The following SLC14A2 variants were observed in gnomAD, a reference collection of about 807,000 sequenced individuals.
The protein encoded by SLC14A2 is urea transporter 2.
A neutral mutation model predicts 104.6 loss-of-function variants in SLC14A2; 91 were observed. The observed-to-expected ratio is 0.87, with a 90% CI of 0.73 to 1.04. SLC14A2 has a LOEUF of 1.04. Ranked by LOEUF, SLC14A2 falls within the 50% of genes least tolerant of loss-of-function variation. The probability of loss-of-function intolerance (pLI) is 0.00; values close to 1 mark genes in which losing one functional copy is unlikely to be tolerated. For synonymous variants in SLC14A2, 476 were observed against 466.4 expected (o/e 1.02, Z -0.27); for missense variants, 1,189 against 1,156.0 (o/e 1.03, Z -0.41).
At chr18:45,425,760 T>C (rs1384576542) in intron 1 of SLC14A2, among the ~76,000 whole-genome samples, 2 of 152,238 alleles carry the variant, frequency 1.3e-5, no homozygotes, top group Non-Finnish European at 2.9e-5. Flanking sequence ...CAGCACTTTC[T>C]AGTTTACACA....
chr18:45,534,300 A>G (rs1016158562), intron 2 of SLC14A2, among the ~76,000 whole-genome samples: 6 of 152,172 alleles, frequency 3.9e-5, no homozygotes, highest in Admixed American at 6.6e-5. Flanking sequence ...CAAGTCTTAG[A>G]AACAGGGAGC....
chr18:45,667,614 G>A (rs1675520115), intron 13 of SLC14A2, among the ~76,000 whole-genome samples: 1 of 152,162 alleles, frequency 6.6e-6, no homozygotes, highest in Admixed American at 6.5e-5. Context: ...AAAACAACCT[G>A]GAGGTCACAT....
At chr18:45,618,485 A>G (rs1293113586) in intron 1 of SLC14A2, among the ~76,000 whole-genome samples, 2 of 151,890 alleles carry the variant, frequency 1.3e-5, no homozygotes, top group African/African-American at 2.4e-5. Context: ...CCTGGCCAAC[A>G]TGGTGAAACC....
At chr18:45,548,484 A>G (rs68096963) in intron 2 of SLC14A2, among the ~76,000 whole-genome samples, 64,354 of 152,086 alleles carry the variant, frequency 0.42, 15,146 homozygotes, top group African/African-American at 0.64. Context: ...CAGGTGGATT[A>G]CTTGAGTGCA....
At chr18:45,572,517 C>T (rs780501591) in intron 2 of SLC14A2, among the ~76,000 whole-genome samples, 12 of 152,206 alleles carry the variant, frequency 7.9e-5, no homozygotes, top group Non-Finnish European at 1.8e-4. Context: ...TCACTTTACA[C>T]CCCCATTTTA....
intron 5 of SLC14A2, among the ~76,000 whole-genome samples, chr18:45,634,184 G>T (rs745739395): frequency 3.8e-4 from 58 of 152,126 alleles, no homozygotes; most frequent in Non-Finnish European, 4.6e-4. Flanking sequence ...TGAAATTCAA[G>T]TCATAGGGTA....
intron 10 of SLC14A2, among the ~76,000 whole-genome samples, chr18:45,658,494 T>C (rs1176094594): frequency 6.6e-6 from 1 of 151,984 alleles, no homozygotes; most frequent in East Asian, 1.9e-4. Context: ...GACAGGAGAA[T>C]TGCTTGAACC....
chr18:45,641,435 T>C (rs1056532907), intron 8 of SLC14A2, 92 bp downstream of exon 8: 1 of 1,425,104 alleles, frequency 7.0e-7, no homozygotes, highest in Non-Finnish European at 9.8e-7. Context: ...TAATCAATAC[T>C]GTTCAGCAGT....
At chr18:45,399,734 C>T (rs1159212418) in intron 1 of SLC14A2, among the ~76,000 whole-genome samples, 2 of 152,184 alleles carry the variant, frequency 1.3e-5, no homozygotes, top group African/African-American at 4.8e-5. Flanking sequence ...CACCCACACA[C>T]TGCCAACCAC....
At chr18:45,326,976 A>C (rs1444279823) in intron 1 of SLC14A2, among the ~76,000 whole-genome samples, 1 of 152,072 alleles carries the variant, frequency 6.6e-6, no homozygotes, top group African/African-American at 2.4e-5. Flanking sequence ...TCTATTTGAG[A>C]TATCTCTATA....
intron 2 of SLC14A2, among the ~76,000 whole-genome samples, chr18:45,539,952 C>A (rs2043860159): frequency 6.6e-6 from 1 of 151,318 alleles, no homozygotes; most frequent in Non-Finnish European, 1.5e-5. Context: ...GTTTAAAATA[C>A]TGTATGTGAA....
intron 2 of SLC14A2, among the ~76,000 whole-genome samples, chr18:45,568,748 ATAAG>A (rs2044303339): frequency 6.6e-6 from 1 of 152,238 alleles, no homozygotes; most frequent in African/African-American, 2.4e-5. Context: ...GTATTATAGT[ATAAG>A]TAAGAGCTAA....
intron 1 of SLC14A2, among the ~76,000 whole-genome samples, chr18:45,226,309 C>G (rs1024506106): frequency 6.6e-6 from 1 of 152,086 alleles, no homozygotes; most frequent in African/African-American, 2.4e-5. Flanking sequence ...CCCAGCCATC[C>G]CATTACTGGG....
intron 1 of SLC14A2, among the ~76,000 whole-genome samples, chr18:45,450,316 C>A (rs1431380182): frequency 1.3e-5 from 2 of 152,178 alleles, no homozygotes; most frequent in Admixed American, 6.5e-5. Flanking sequence ...TGCATTTTCC[C>A]ATCCTTTTAG....
rs137888846 is a variant in SLC14A2, at chr18:45,458,276, T to C, written c.-124-24957T>C. On this transcript the variant is annotated intron_variant, in intron 1 of 20. Coordinates refer to the SLC14A2 transcript ENST00000586448. ...CATTAATATAAAAGCATCTCGTAAG[T>C]CCTGGCTCCTCTCATTAGTCTCCAT... 1.8e-4 allele frequency among the ~76,000 whole-genome samples: 27 copies of C among 152,278 alleles called. No homozygotes were observed. In the East Asian group the frequency reaches 5.0e-3, roughly 28 times the overall value.
intron 1 of SLC14A2, among the ~76,000 whole-genome samples, chr18:45,391,633 T>C (rs1228344648): frequency 1.3e-5 from 2 of 152,198 alleles, no homozygotes; most frequent in African/African-American, 4.8e-5. Context: ...TGGTGTGAGA[T>C]GGTATCTCAT....
chr18:45,242,724 T>C (rs1409125775), intron 1 of SLC14A2, among the ~76,000 whole-genome samples: 1 of 152,248 alleles, frequency 6.6e-6, no homozygotes, highest in Non-Finnish European at 1.5e-5. Context: ...GGGTCATATC[T>C]CTATTAGCCT....
intron 1 of SLC14A2, among the ~76,000 whole-genome samples, chr18:45,284,500 C>G (rs1399692282): frequency 6.6e-6 from 1 of 152,158 alleles, no homozygotes; most frequent in Non-Finnish European, 1.5e-5. Context: ...TGGGCTCCAA[C>G]TCCCACCAGG....
At chr18:45,299,333 GTTGT>G (rs1426622841) in intron 1 of SLC14A2, among the ~76,000 whole-genome samples, 4 of 152,232 alleles carry the variant, frequency 2.6e-5, no homozygotes, top group Non-Finnish European at 2.9e-5. Flanking sequence ...CAGGTTGCCT[GTTGT>G]CTTCTTGCCA....
Sources: gnomAD v4.1 joint callset for allele counts (sites outside exome capture counted in the v4.1 genomes callset) on GRCh38, gnomAD v4.1.1 for gene constraint, MANE v1.5 for transcripts, NCBI Gene and HGNC (gene_info 2026-07-23, HGNC 2026-07-21) for gene names.